ANO3: variants seen among roughly 807,000 people sequenced by gnomAD.
ANO3 encodes anoctamin 3.
In ANO3, 99 loss-of-function variants were observed where a neutral mutation model predicts 144.8. That is an observed-to-expected ratio of 0.68 (90% CI 0.58 to 0.81). ANO3 has a LOEUF of 0.81. Among genes scored for constraint, ANO3 ranks in the 30% least tolerant of loss-of-function variants. The pLI, the probability that ANO3 is intolerant of heterozygous loss-of-function variation, is 0.00. For synonymous variants in ANO3, 414 were observed against 392.6 expected (o/e 1.05, Z -0.64); for missense variants, 905 against 1,202.2 (o/e 0.75, Z 3.66).
chr11:26,474,998 A>G (rs2134077075), intron 4 of ANO3, among the ~76,000 whole-genome samples: 1 of 152,064 alleles, frequency 6.6e-6, no homozygotes, highest in East Asian at 1.9e-4. Context: ...AGAAAATCAT[A>G]GTGTATGCTT....
intron 4 of ANO3, among the ~76,000 whole-genome samples, chr11:26,485,213 A>G (rs1466699867): frequency 6.6e-6 from 1 of 152,080 alleles, no homozygotes; most frequent in Non-Finnish European, 1.5e-5. Context: ...GGGCAGAATG[A>G]TATGGTTTGC....
intron 17 of ANO3, among the ~76,000 whole-genome samples, chr11:26,619,692 C>T (rs1001290253): frequency 2.0e-5 from 3 of 152,232 alleles, no homozygotes; most frequent in South Asian, 4.1e-4. Context: ...GTCTCAAACT[C>T]CTGACCTCAA....
At chr11:26,262,930 G>A (rs1468969246) in intron 1 of ANO3, among the ~76,000 whole-genome samples, 1 of 152,050 alleles carries the variant, frequency 6.6e-6, no homozygotes, top group Non-Finnish European at 1.5e-5. Context: ...GGTATTCTGT[G>A]GTAATAGCCC....
intron 14 of ANO3, among the ~76,000 whole-genome samples, chr11:26,576,516 G>A (rs967047331): frequency 4.6e-5 from 7 of 152,214 alleles, no homozygotes; most frequent in African/African-American, 1.4e-4. Flanking sequence ...GTTACTCAAT[G>A]AATATTAATT....
At chr11:26,526,482 G>T (rs1849166903) in intron 7 of ANO3, among the ~76,000 whole-genome samples, 1 of 152,132 alleles carries the variant, frequency 6.6e-6, no homozygotes, top group Admixed American at 6.6e-5. Context: ...GATGTTGAAG[G>T]ATGTATGTTA....
intron 1 of ANO3, among the ~76,000 whole-genome samples, chr11:26,436,784 T>TC (rs1192317280): frequency 6.6e-6 from 1 of 150,636 alleles, no homozygotes; most frequent in Non-Finnish European, 1.5e-5. Context: ...ATGGCAGTCC[T>TC]CCCCTCTCTC....
intron 1 of ANO3, among the ~76,000 whole-genome samples, chr11:26,277,903 G>A (rs1853592810): frequency 6.6e-6 from 1 of 152,046 alleles, no homozygotes; most frequent in East Asian, 1.9e-4. Flanking sequence ...ATAAAAGATG[G>A]GTTTAATATA....
chr11:26,437,501 T>C (rs1264835977), intron 1 of ANO3, among the ~76,000 whole-genome samples: 1 of 152,242 alleles, frequency 6.6e-6, no homozygotes, highest in Non-Finnish European at 1.5e-5. Flanking sequence ...ATAGTCATCC[T>C]GTCTTGATTT....
At chr11:26,644,849 A>G (rs1017504497) in intron 23 of ANO3, among the ~76,000 whole-genome samples, 1 of 149,780 alleles carries the variant, frequency 6.7e-6, no homozygotes, top group Non-Finnish European at 1.5e-5. Context: ...ACACACACAC[A>G]TACCATATAT....
At chr11:26,298,913 T>C (rs564685625) in intron 1 of ANO3, among the ~76,000 whole-genome samples, 5 of 152,260 alleles carry the variant, frequency 3.3e-5, no homozygotes, top group Middle Eastern at 3.4e-3. Context: ...ATCAGAGAGA[T>C]CATTTGGGAA....
At chr11:26,329,327 CAGAG>C (rs10573538), upstream of ANO3, among the ~76,000 whole-genome samples, 43,640 of 109,652 alleles carry the variant, frequency 0.4, 7,566 homozygotes, top group South Asian at 0.49. Context: ...CACACACACA[CAGAG>C]AGAGAGAGAG....
intron 17 of ANO3, among the ~76,000 whole-genome samples, chr11:26,610,420 T>TC (rs1852066370): frequency 1.3e-5 from 2 of 152,126 alleles, no homozygotes; most frequent in Non-Finnish European, 2.9e-5. Flanking sequence ...TTTGTTGTTA[T>TC]TTAAGTCCCT....
intron 1 of ANO3, among the ~76,000 whole-genome samples, chr11:26,397,822 C>T (rs1857054643): frequency 6.6e-6 from 1 of 151,928 alleles, no homozygotes; most frequent in African/African-American, 2.4e-5. Context: ...AATTTTGTAT[C>T]CTTTAACAAA....
At chr11:26,618,263 G>C (rs1852316445) in intron 17 of ANO3, among the ~76,000 whole-genome samples, 1 of 151,452 alleles carries the variant, frequency 6.6e-6, no homozygotes, top group Non-Finnish European at 1.5e-5. Context: ...TTCTGTTTCT[G>C]TACATAGCCA....
chr11:26,214,850 T>A (rs1026514099), intron 1 of ANO3, among the ~76,000 whole-genome samples: 2 of 151,998 alleles, frequency 1.3e-5, no homozygotes, highest in Non-Finnish European at 2.9e-5. Context: ...GTTGCCATGA[T>A]TCTCTTGGCC....
intron 1 of ANO3, among the ~76,000 whole-genome samples, chr11:26,293,454 A>T (rs939529380): frequency 3.4e-5 from 5 of 148,376 alleles, no homozygotes; most frequent in African/African-American, 1.2e-4. Flanking sequence ...ATTACTGATA[A>T]ACAATGAGAT....
At chr11:26,220,863 C>A (rs1170375905) in intron 1 of ANO3, among the ~76,000 whole-genome samples, 1 of 152,166 alleles carries the variant, frequency 6.6e-6, no homozygotes, top group Admixed American at 6.5e-5. Context: ...ACCCTGATAT[C>A]CATCAGCTTT....
intron 1 of ANO3, among the ~76,000 whole-genome samples, chr11:26,432,934 TG>T (rs1858169842): frequency 6.6e-6 from 1 of 152,230 alleles, no homozygotes; most frequent in Non-Finnish European, 1.5e-5. Flanking sequence ...TCTAATTATG[TG>T]AAGAATATCA....
intron 1 of ANO3, among the ~76,000 whole-genome samples, chr11:26,385,855 A>G (rs1364822703): frequency 6.6e-6 from 1 of 150,982 alleles, no homozygotes; most frequent in Non-Finnish European, 1.5e-5. Flanking sequence ...ACACACATAT[A>G]TATGTGGTGA....
Sources: allele counts gnomAD v4.1 joint callset (sites outside exome capture counted in the v4.1 genomes callset), GRCh38; gene constraint gnomAD v4.1.1; transcripts MANE v1.5; gene names NCBI Gene and HGNC (gene_info 2026-07-23, HGNC 2026-07-21).